The following OR2T2 variants were observed in gnomAD, a reference collection of about 807,000 sequenced individuals.
OR2T2 encodes the protein olfactory receptor 2T2.
For missense variants in OR2T2, 138 were observed against 409.1 expected (o/e 0.34, Z 5.72); for synonymous variants, 50 against 162.7 (o/e 0.31, Z 5.27).
At chr1:248,449,799 A>G (rs1423716881) in intron 2 of OR2T2, among the ~76,000 whole-genome samples, 1 of 84,182 alleles carries the variant, frequency 1.2e-5, no homozygotes, top group Non-Finnish European at 2.3e-5. Context: ...TCACGCAAAT[A>G]AAAGCTTTTT....
intron 2 of OR2T2, among the ~76,000 whole-genome samples, chr1:248,449,827 T>TC (rs1662750547): frequency 2.4e-5 from 3 of 126,536 alleles, no homozygotes; most frequent in Non-Finnish European, 4.5e-5. Context: ...TTTTTCTTTT[T>TC]CTTTTTTTTT....
chr1:248,447,297 G>A (rs1163217195), intron 2 of OR2T2, among the ~76,000 whole-genome samples: 1 of 151,236 alleles, frequency 6.6e-6, no homozygotes, highest in Non-Finnish European at 1.5e-5. Flanking sequence ...CTGTGGCTAT[G>A]AACACTTATG....
chr1:248,453,721 A>T (rs1484372057), exon 3 of OR2T2: 1 of 1,602,462 alleles, frequency 6.2e-7, no homozygotes, highest in Non-Finnish European at 8.5e-7. Flanking sequence ...TACTAGGGAG[A>T]TGTGGTTCCT....
intron 2 of OR2T2, among the ~76,000 whole-genome samples, chr1:248,451,769 C>T (rs1662806221): frequency 1.3e-5 from 2 of 148,452 alleles, no homozygotes; most frequent in South Asian, 4.2e-4. Flanking sequence ...GGAGCCACTG[C>T]ACCCGACTGT....
At chr1:248,449,919 A>ATGGGG (rs1471726026) in intron 2 of OR2T2, among the ~76,000 whole-genome samples, 1 of 134,408 alleles carries the variant, frequency 7.4e-6, no homozygotes, top group Non-Finnish European at 1.5e-5. Context: ...AGATGACCTG[A>ATGGGG]TGGGGAATGG....
chr1:248,450,304 TAC>T (rs770885756), intron 2 of OR2T2, among the ~76,000 whole-genome samples: 16 of 143,458 alleles, frequency 1.1e-4, no homozygotes, highest in Non-Finnish European at 1.8e-4. Context: ...ATGAACACAC[TAC>T]ACACACATGT....
chr1:248,450,766 AAC>A (rs1662779589), intron 2 of OR2T2, among the ~76,000 whole-genome samples: 3 of 149,312 alleles, frequency 2.0e-5, no homozygotes, highest in African/African-American at 7.7e-5. Context: ...GGTCAAGACA[AAC>A]TTACTGTCTG....
intron 2 of OR2T2, among the ~76,000 whole-genome samples, chr1:248,447,740 A>T (rs116615070): frequency 0.034 from 5,022 of 148,666 alleles, no homozygotes; most frequent in African/African-American, 0.12. Context: ...GTGATCACTT[A>T]GATGCTCTTT....
rs547675436 is a variant in OR2T2 at position 248,450,332 on chromosome 1, ACT to A, written c.-22-2442_-22-2441del. 5.2e-5 allele frequency among the ~76,000 whole-genome samples: 7 copies of A among 134,776 alleles called. No homozygotes were observed. The East Asian group carries it at 1.5e-3, about 29-fold the overall frequency. The allele number at this position is 134,776 out of a possible 152,430, so 88.4% of individuals were successfully genotyped here. A position where few individuals can be genotyped will look rare whatever the true frequency, so the allele number is the denominator to read the frequency against. On this transcript the variant is annotated intron_variant, in intron 2 of 2. Coordinates refer to ENST00000642130, the Ensembl canonical transcript of OR2T2. Reference sequence around the variant, plus strand: ...ACACACATGTACACACAACGCTCACACTCACAAGGAACCTCTTTTTTTTTTTT... The same window carrying A: ...ACACACATGTACACACAACGCTCACACACAAGGAACCTCTTTTTTTTTTTT...
exon 3 of OR2T2, chr1:248,455,332 AAAG>A (rs1662910956): frequency 1.1e-5 from 1 of 88,884 alleles, no homozygotes; most frequent in Non-Finnish European, 2.3e-5. Flanking sequence ...TGACGTAGAT[AAAG>A]AATATTCCCT....
chr1:248,450,025 T>C (rs560676771), intron 2 of OR2T2, among the ~76,000 whole-genome samples: 227 of 148,360 alleles, frequency 1.5e-3, no homozygotes, highest in African/African-American at 5.8e-3. Context: ...TCGGAACTGA[T>C]GTAAACAGAA....
intron 2 of OR2T2, 92 bp downstream of exon 2, chr1:248,446,903 A>T (rs1422014483): frequency 2.2e-5 from 3 of 133,462 alleles, no homozygotes; most frequent in Non-Finnish European, 4.6e-5. Context: ...CCTACATGCC[A>T]TTATAGTGCT....
intron 2 of OR2T2, among the ~76,000 whole-genome samples, chr1:248,447,751 A>G (rs74154447): frequency 0.094 from 13,358 of 142,256 alleles, 9 homozygotes; most frequent in East Asian, 0.11. Flanking sequence ...GATGCTCTTT[A>G]AAAGTTTCAT....
chr1:248,450,961 GCTCATGTATTTTTTTCTC>G (rs1313760583), intron 2 of OR2T2, among the ~76,000 whole-genome samples: 4 of 87,788 alleles, frequency 4.6e-5, no homozygotes, highest in African/African-American at 2.1e-4. Context: ...AATATTTGAT[GCTCATGTATTTTTTTCTC>G]CTCAACCAAG....
exon 3 of OR2T2, chr1:248,453,952 T>C (rs1224373641): frequency 1.5e-6 from 1 of 650,628 alleles, no homozygotes; most frequent in East Asian, 2.8e-5. Context: ...TGAAGAATGT[T>C]CAGTGTCACT....
chr1:248,453,717 G>A (rs748899789), exon 3 of OR2T2: 6 of 1,603,370 alleles, frequency 3.7e-6, no homozygotes, highest in African/African-American at 3.0e-5. Flanking sequence ...AAAGTACTAG[G>A]GAGATGTGGT....
intron 2 of OR2T2, among the ~76,000 whole-genome samples, chr1:248,449,994 C>G (rs1662756307): frequency 6.8e-6 from 1 of 146,492 alleles, no homozygotes; most frequent in South Asian, 2.1e-4. Flanking sequence ...AGCATCAACT[C>G]TAATGTTAAA....
chr1:248,453,733 C>T (rs760661399), exon 3 of OR2T2: 13 of 1,604,568 alleles, frequency 8.1e-6, no homozygotes, highest in Non-Finnish European at 1.1e-5. Context: ...GTGGTTCCTC[C>T]CAGAGCATCA....
At chr1:248,446,605 T>A (rs1662662358) in exon 2 of OR2T2, 1 of 147,644 alleles carries the variant, frequency 6.8e-6, no homozygotes, top group East Asian at 1.9e-4. Context: ...CAGGGTGGAC[T>A]GGATGGGCCA....
Sources: allele counts gnomAD v4.1 joint callset (sites outside exome capture counted in the v4.1 genomes callset), GRCh38; gene constraint gnomAD v4.1.1; transcripts MANE v1.5; gene names NCBI Gene and HGNC (gene_info 2026-07-23, HGNC 2026-07-21).